SCN2A: variants seen among roughly 807,000 people sequenced by gnomAD.
SCN2A encodes the protein sodium voltage-gated channel alpha subunit 2, also known as sodium channel protein type 2 subunit alpha.
SCN2A carries 20 observed loss-of-function variants against 188.7 expected under a neutral mutation model. The observed-to-expected ratio is 0.11, with a 90% confidence interval of 0.07 to 0.15. SCN2A has a LOEUF of 0.15. Ranked by LOEUF, SCN2A falls within the 10% of genes least tolerant of loss-of-function variation. The pLI, the probability that SCN2A is intolerant of heterozygous loss-of-function variation, is 1.00. For missense variants in SCN2A, 1,278 were observed against 2,445.0 expected (o/e 0.52, Z 10.07); for synonymous variants, 804 against 833.1 (o/e 0.97, Z 0.60).
chr2:165,387,948 CT>C (rs1421012080), intron 26 of SCN2A, among the ~76,000 whole-genome samples: 1 of 152,040 alleles, frequency 6.6e-6, no homozygotes, highest in Non-Finnish European at 1.5e-5. Flanking sequence ...GAGAAGTTAC[CT>C]CAGCTCTCCA....
At chr2:165,342,751 C>T (rs1480026803) in intron 15 of SCN2A, among the ~76,000 whole-genome samples, 2 of 152,172 alleles carry the variant, frequency 1.3e-5, no homozygotes. Flanking sequence ...CACAATTAAA[C>T]AACACCATAG....
chr2:165,367,707 G>A (rs969117718), intron 19 of SCN2A, among the ~76,000 whole-genome samples: 2 of 152,202 alleles, frequency 1.3e-5, no homozygotes, highest in Admixed American at 6.5e-5. Context: ...ACTGAAGCAC[G>A]ATATTTCCCT....
rs557687080 is a variant in SCN2A, at chr2:165,295,983, A to T, written c.160A>T (p.Ser54Cys). The change falls in exon 2 of 27, where the codon AGT becomes TGT. Residue 54 changes from serine (S) to cysteine (C), a missense_variant. By Grantham distance (112) the Ser-to-Cys change is moderately radical (BLOSUM62 -1). Transcript: ENST00000375437. ...EDDENGPKPN[S>C]DLEAGKSLPF... ...TGATGAAAATGGCCCAAAGCCAAAC[A>T]GTGACTTGGAAGCAGGAAAATCTCT... 2 of 1,614,050 alleles carry T rather than the reference A, an allele frequency of 1.2e-6. No homozygotes were observed. The highest frequency in any genetic ancestry group is 2.2e-5 in the South Asian group (2 of 91,090).
chr2:165,282,083 G>A (rs562269849), intron 1 of SCN2A, among the ~76,000 whole-genome samples: 1 of 152,262 alleles, frequency 6.6e-6, no homozygotes, highest in South Asian at 2.1e-4. Context: ...AGATGTCTGT[G>A]TTCTGCTGCC....
intron 2 of SCN2A, chr2:165,296,384 G>A: frequency 2.7e-6 from 1 of 366,778 alleles, no homozygotes; most frequent in South Asian, 3.3e-5. Flanking sequence ...GCTTAAACCA[G>A]TGTAAATTGA....
chr2:165,284,526 G>T (rs2106125799), intron 1 of SCN2A, among the ~76,000 whole-genome samples: 1 of 152,194 alleles, frequency 6.6e-6, no homozygotes, highest in South Asian at 2.1e-4. Flanking sequence ...TCATTCATGG[G>T]GAAGATGCCC....
chr2:165,275,802 T>TCGG (rs1350916732), intron 1 of SCN2A, among the ~76,000 whole-genome samples: 1 of 151,668 alleles, frequency 6.6e-6, no homozygotes, highest in East Asian at 1.9e-4. Flanking sequence ...TGGTGTGATC[T>TCGG]CGGCTCACTG....
intron 1 of SCN2A, among the ~76,000 whole-genome samples, chr2:165,281,964 C>G (rs866246710): frequency 1.3e-5 from 2 of 152,176 alleles, no homozygotes; most frequent in Non-Finnish European, 2.9e-5. Context: ...AGGTTCAACA[C>G]TACCTGCACC....
chr2:165,274,261 A>G (rs956892526), intron 1 of SCN2A: 1 of 152,024 alleles, frequency 6.6e-6, no homozygotes. Context: ...ACACAAAAAA[A>G]ATGGTTTACT....
At chr2:165,370,430 A>T in intron 20 of SCN2A, 131 bp downstream of exon 20, 1 of 957,286 alleles carries the variant, frequency 1.0e-6, no homozygotes, top group Non-Finnish European at 1.7e-6. Flanking sequence ...CTCATTTCAC[A>T]GTGAGAGGAT....
chr2:165,305,649 T>C (rs1333468471), intron 3 of SCN2A, among the ~76,000 whole-genome samples: 1 of 152,210 alleles, frequency 6.6e-6, no homozygotes. Flanking sequence ...ACCATCCTTG[T>C]TGAATGCTGC....
chr2:165,245,501 T>C (rs1389584280), intron 1 of SCN2A: 1 of 152,214 alleles, frequency 6.6e-6, no homozygotes, highest in Non-Finnish European at 1.5e-5. Context: ...TGGGTATTTC[T>C]TCACAGCAGC....
chr2:165,255,554 T>G (rs1472106827), intron 1 of SCN2A, among the ~76,000 whole-genome samples: 1 of 152,142 alleles, frequency 6.6e-6, no homozygotes, highest in Non-Finnish European at 1.5e-5. Flanking sequence ...GCTCTATGGT[T>G]TAACTCCATA....
At chr2:165,339,403 C>A (rs1326415518) in intron 14 of SCN2A, among the ~76,000 whole-genome samples, 1 of 151,198 alleles carries the variant, frequency 6.6e-6, no homozygotes, top group Non-Finnish European at 1.5e-5. Flanking sequence ...GTTTTATCAA[C>A]TGAACTAAAG....
chr2:165,308,852 A>G, intron 5 of SCN2A, 58 bp downstream of exon 5: 1 of 1,604,066 alleles, frequency 6.2e-7, no homozygotes, highest in Non-Finnish European at 8.5e-7. Flanking sequence ...GGGAGCCTAT[A>G]CTATATTTTC....
In SCN2A at chr2:165,377,558, AT is replaced by A. The variant is rs772248919; in HGVS notation, c.4255-35del. On this transcript the variant is annotated intron_variant, in intron 22 of 26. Transcript: ENST00000375437. ...ATTCAATTTATTTTCTAAAATTATA[AT>A]TTTGGGAAAAAAGAAAATGATATGA... The A allele has an allele frequency of 2.3e-5, 35 of 1,538,278 alleles. No homozygotes were observed. In the Admixed American group the frequency reaches 5.2e-4, roughly 23 times the overall value.
intron 25 of SCN2A, 117 bp from the exon 26 acceptor site, chr2:165,386,629 G>A (rs1004686802): frequency 9.5e-7 from 1 of 1,049,908 alleles, no homozygotes; most frequent in Non-Finnish European, 1.4e-6. Context: ...ATGTTGTGAG[G>A]ATTAAAGATG....
intron 2 of SCN2A, 86 bp downstream of exon 2, chr2:165,296,176 C>T (rs1014608635): frequency 7.8e-7 from 1 of 1,275,724 alleles, no homozygotes; most frequent in African/African-American, 1.5e-5. Context: ...GAAGGCTGGC[C>T]TCCTTCCCTC....
chr2:165,240,694 T>TGTGTGTGTGTGA (rs755090637), intron 1 of SCN2A, among the ~76,000 whole-genome samples: 16 of 150,620 alleles, frequency 1.1e-4, no homozygotes, highest in African/African-American at 2.7e-4. Flanking sequence ...TGTGTGTGTG[T>TGTGTGTGTGTGA]GATGGTGGAG....
Sources: gnomAD v4.1 joint callset for allele counts (sites outside exome capture counted in the v4.1 genomes callset) on GRCh38, gnomAD v4.1.1 for gene constraint, MANE v1.5 for transcripts, NCBI Gene and HGNC (gene_info 2026-07-23, HGNC 2026-07-21) for gene names.